RABGAP1L: variants seen among roughly 807,000 people sequenced by gnomAD.
RABGAP1L encodes RAB GTPase activating protein 1 like.
In RABGAP1L, 63 loss-of-function variants were observed where a neutral mutation model predicts 137.7. The observed-to-expected ratio is 0.46, with a 90% CI of 0.37 to 0.56. The LOEUF (loss-of-function observed/expected upper bound fraction) is 0.56, where lower values mean the gene tolerates loss of function less well. RABGAP1L is among the 20% of genes least tolerant of loss of function. The probability of loss-of-function intolerance (pLI) is 0.00; values close to 1 mark genes in which losing one functional copy is unlikely to be tolerated. For missense variants in RABGAP1L, 1,095 were observed against 1,244.0 expected, an observed-to-expected ratio of 0.88 and a Z score of 1.80; for synonymous variants, 431 against 433.7, an observed-to-expected ratio of 0.99 and a Z score of 0.08.
intron 13 of RABGAP1L, among the ~76,000 whole-genome samples, chr1:174,436,720 A>G (rs796870854): frequency 6.6e-6 from 1 of 152,130 alleles, no homozygotes; most frequent in Non-Finnish European, 1.5e-5. Flanking sequence ...TTAGACATGA[A>G]GTCCTTGTCC....
intron 12 of RABGAP1L, among the ~76,000 whole-genome samples, chr1:174,391,497 TG>T (rs939995304): frequency 1.5e-4 from 23 of 152,192 alleles, no homozygotes; most frequent in African/African-American, 5.1e-4. Flanking sequence ...TTTTGTATTT[TG>T]TTTTTTTTCT....
intron 19 of RABGAP1L, among the ~76,000 whole-genome samples, chr1:174,933,477 C>G (rs1248437987): frequency 6.6e-6 from 1 of 152,032 alleles, no homozygotes; most frequent in Non-Finnish European, 1.5e-5. Flanking sequence ...GTTTGGATAC[C>G]AAAGAAAATT....
chr1:174,647,517 T>G (rs541009225), intron 14 of RABGAP1L, among the ~76,000 whole-genome samples: 43 of 152,268 alleles, frequency 2.8e-4, no homozygotes, highest in African/African-American at 7.9e-4. Flanking sequence ...ATTGATTGAT[T>G]TGCATATGTT....
At chr1:174,753,494 G>T (rs1387345512) in intron 18 of RABGAP1L, among the ~76,000 whole-genome samples, 1 of 152,066 alleles carries the variant, frequency 6.6e-6, no homozygotes, top group Non-Finnish European at 1.5e-5. Flanking sequence ...TTACACATTT[G>T]CTCTTTGTGA....
At chr1:174,958,852 C>G (rs1242874923) in intron 20 of RABGAP1L, among the ~76,000 whole-genome samples, 1 of 152,156 alleles carries the variant, frequency 6.6e-6, no homozygotes, top group East Asian at 1.9e-4. Flanking sequence ...GAACCTCTTC[C>G]TCATCTATAA....
intron 10 of RABGAP1L, among the ~76,000 whole-genome samples, chr1:174,291,747 A>AT (rs528652246): frequency 2.6e-5 from 4 of 151,674 alleles, no homozygotes; most frequent in Non-Finnish European, 5.9e-5. Flanking sequence ...ATATTGACCT[A>AT]TTTTTTTTAA....
rs1276310802 is a variant in RABGAP1L at position 174,403,239 on chromosome 1, GTGTGTGTGTATATA to G, written c.1710+9096_1710+9109del. On this transcript the variant is annotated intron_variant, in intron 13 of 25. Coordinates refer to ENST00000681986, the MANE Select transcript of RABGAP1L (RefSeq NM_001366446.1). ...TGTGTGTGTGTGTGTGTGTGTGTGT[GTGTGTGTGTATATA>G]TATGTGTATACCATTTCTTTTCTTC... Among the ~76,000 whole-genome samples, 228 of 129,196 alleles carry G rather than the reference GTGTGTGTGTATATA, an allele frequency of 1.8e-3. 2 individuals carry two copies. The highest frequency in any genetic ancestry group is 7.9e-3 in the African/African-American group (220 of 27,986). The allele number at this position is 129,196 out of a possible 152,430, so 84.8% of individuals were successfully genotyped here. A position where few individuals can be genotyped will look rare whatever the true frequency, so the allele number is the denominator to read the frequency against.
At chr1:174,974,298 G>C (rs1670458884) in intron 21 of RABGAP1L, among the ~76,000 whole-genome samples, 2 of 152,098 alleles carry the variant, frequency 1.3e-5, no homozygotes, top group Admixed American at 1.3e-4. Flanking sequence ...CTGTACAGCT[G>C]CTCTCAAAGT....
chr1:174,472,969 A>G (rs933817817), intron 13 of RABGAP1L, among the ~76,000 whole-genome samples: 109 of 152,334 alleles, frequency 7.2e-4, no homozygotes, highest in Non-Finnish European at 1.3e-4. Context: ...TAAACTAGAA[A>G]GGGAACATTA....
chr1:174,416,016 T>TTATATATATATATATATA, intron 13 of RABGAP1L, among the ~76,000 whole-genome samples: 2 of 90,552 alleles, frequency 2.2e-5, no homozygotes, highest in Admixed American at 1.0e-4. Flanking sequence ...CCTAGAAAAT[T>TTATATATATATATATATA]TACATATATA....
At position 174,395,404 on chromosome 1, in the gene RABGAP1L, AT is replaced by A. The variant is rs371537079; in HGVS notation, c.1710+1260del. On this transcript the variant is annotated intron_variant, in intron 13 of 25. Transcript: ENST00000681986. The stretch of plus-strand genomic sequence containing the variant: ...TGTCAAGTTTTTTTTTTAATTTAAT[AT>A]GTTCCTTCAGGGAAGAATTAATATT... Among the ~76,000 whole-genome samples, 551 of 152,204 alleles carry A rather than the reference AT, an allele frequency of 3.6e-3. 2 individuals carry two copies. Among genetic ancestry groups the A allele is most frequent in the Non-Finnish European group, 6.0e-3 (409 of 68,010 alleles).
At chr1:174,451,486 G>C (rs1655438325) in intron 13 of RABGAP1L, among the ~76,000 whole-genome samples, 1 of 152,094 alleles carries the variant, frequency 6.6e-6, no homozygotes, top group African/African-American at 2.4e-5. Flanking sequence ...AGCCTTTTGA[G>C]ATAATAGTTA....
At chr1:174,813,097 A>G (rs1477601918) in intron 19 of RABGAP1L, among the ~76,000 whole-genome samples, 2 of 152,212 alleles carry the variant, frequency 1.3e-5, no homozygotes, top group Non-Finnish European at 2.9e-5. Flanking sequence ...TGGAGCAATG[A>G]TATGATCTGT....
chr1:174,795,499 TTCCTTTGTTTTA>T, intron 18 of RABGAP1L, among the ~76,000 whole-genome samples: 1 of 152,332 alleles, frequency 6.6e-6, no homozygotes, highest in East Asian at 1.9e-4. Context: ...CAAAGTCCTT[TTCCTTTGTTTTA>T]TCACTTCTCT....
At chr1:174,925,008 G>A (rs536041956) in intron 19 of RABGAP1L, among the ~76,000 whole-genome samples, 2 of 152,252 alleles carry the variant, frequency 1.3e-5, no homozygotes, top group East Asian at 1.9e-4. Context: ...GCAAGGACTT[G>A]ACTGAAGCAA....
At chr1:174,691,705 T>C (rs1256131156) in intron 15 of RABGAP1L, among the ~76,000 whole-genome samples, 1 of 152,162 alleles carries the variant, frequency 6.6e-6, no homozygotes, top group Non-Finnish European at 1.5e-5. Flanking sequence ...TATTTAAAGA[T>C]GTGTTGTTCA....
At chr1:174,473,996 G>A (rs748425202) in intron 13 of RABGAP1L, among the ~76,000 whole-genome samples, 10 of 152,028 alleles carry the variant, frequency 6.6e-5, no homozygotes, top group Non-Finnish European at 1.3e-4. Context: ...TTCCTGTAAC[G>A]TTTTATATAA....
At chr1:174,246,684 A>G (rs1672292514) in intron 5 of RABGAP1L, among the ~76,000 whole-genome samples, 1 of 152,206 alleles carries the variant, frequency 6.6e-6, no homozygotes, top group Admixed American at 6.5e-5. Flanking sequence ...GCTATATGGA[A>G]TATTACACAG....
chr1:174,485,657 G>A (rs1480507441), intron 13 of RABGAP1L, among the ~76,000 whole-genome samples: 1 of 152,228 alleles, frequency 6.6e-6, no homozygotes, highest in African/African-American at 2.4e-5. Context: ...ATTTGCATAT[G>A]TTGAATCATC....
Sources: allele counts gnomAD v4.1 joint callset (sites outside exome capture counted in the v4.1 genomes callset), GRCh38; gene constraint gnomAD v4.1.1; transcripts MANE v1.5; gene names NCBI Gene and HGNC (gene_info 2026-07-23, HGNC 2026-07-21).